Variants in HEATR3 observed in about 807,000 individuals in gnomAD.
HEATR3 encodes HEAT repeat-containing protein 3.
In HEATR3, 56 loss-of-function variants were observed where a neutral mutation model predicts 72.8. That is an observed-to-expected ratio of 0.77 (90% CI 0.62 to 0.96). The LOEUF (loss-of-function observed/expected upper bound fraction) is 0.96. Among genes scored for constraint, HEATR3 ranks in the 40% least tolerant of loss-of-function variants. HEATR3 has a pLI of 0.00. For missense variants in HEATR3, 747 were observed against 831.4 expected (o/e 0.90, Z 1.25); for synonymous variants, 331 against 318.1 (o/e 1.04, Z -0.43).
intron 4 of HEATR3, 39 bp from the exon 5 acceptor site, chr16:50,072,566 A>G (rs777947205): frequency 7.0e-6 from 9 of 1,286,100 alleles, no homozygotes; most frequent in Non-Finnish European, 1.0e-5. Flanking sequence ...TACTGTTAAA[A>G]TGTGAATAGT....
chr16:50,087,988 G>A (rs1028352185), intron 11 of HEATR3, among the ~76,000 whole-genome samples: 5 of 152,164 alleles, frequency 3.3e-5, no homozygotes, highest in Admixed American at 6.5e-5. Context: ...TTAGCCAGGC[G>A]TGGTGGCAGG....
At chr16:50,079,553 G>A (rs369783110) in intron 7 of HEATR3, among the ~76,000 whole-genome samples, 1 of 152,164 alleles carries the variant, frequency 6.6e-6, no homozygotes, top group East Asian at 1.9e-4. Flanking sequence ...TGCTGGTGGT[G>A]TGATATTGCA....
In HEATR3 at chr16:50,078,833, A is replaced by G. The variant is rs1293822251; in HGVS notation, c.856A>G (p.Met286Val). The change falls in exon 7 of 15, where the codon ATG becomes GTG. Residue 286 changes from methionine to valine, a missense_variant. This residue lies in a region of HEATR3 where 586 missense variants were observed against 708.8 expected (regional missense o/e 0.83). Coordinates refer to ENST00000299192, the MANE Select transcript of HEATR3 (RefSeq NM_182922.4). Reference sequence around the variant, plus strand: ...AAAGATCTTATCTGAAGTTTTGGGAATGGATGCTGGTGAAATGGTTATTCA... The same window carrying G: ...AAAGATCTTATCTGAAGTTTTGGGAGTGGATGCTGGTGAAATGGTTATTCA... ...LLKILSEVLG[M>V]DAGEMVIQMK... 6.2e-7 allele frequency: 1 copy of G among 1,614,152 alleles called. No individual in the cohort carries two copies. Among genetic ancestry groups the G allele is most frequent in the South Asian group, 1.1e-5 (1 of 91,088 alleles).
chr16:50,090,877 G>T (rs1330030482), intron 11 of HEATR3, among the ~76,000 whole-genome samples: 1 of 152,106 alleles, frequency 6.6e-6, no homozygotes, highest in Non-Finnish European at 1.5e-5. Flanking sequence ...GGGCGCGGTG[G>T]CTCACACCTG....
chr16:50,097,927 A>C (rs1228087657), intron 12 of HEATR3, among the ~76,000 whole-genome samples: 1 of 151,552 alleles, frequency 6.6e-6, no homozygotes, highest in Non-Finnish European at 1.5e-5. Flanking sequence ...CCGTCTCAAA[A>C]AAAAAAAAAA....
chr16:50,071,249 T>A (rs557211586), intron 4 of HEATR3, among the ~76,000 whole-genome samples: 1 of 152,352 alleles, frequency 6.6e-6, no homozygotes, highest in Admixed American at 6.5e-5. Context: ...TCAGCAGCAA[T>A]TACAGTGGCT....
At chr16:50,068,939 G>T in intron 3 of HEATR3, 72 bp downstream of exon 3, 3 of 1,082,022 alleles carry the variant, frequency 2.8e-6, no homozygotes, top group Non-Finnish European at 4.2e-6. Flanking sequence ...GTACTTTGGT[G>T]TTGGTGACTT....
chr16:50,066,051 A>C lies in HEATR3; in HGVS notation c.-81A>C. ...CGGCCCAGCTGAGCAGCAGCAACGG[A>C]CCTTGTTAACGGCGCGGCAGCCTCC... On this transcript the variant is annotated 5_prime_UTR_variant, in exon 1 of 15. Coordinates refer to ENST00000299192, the MANE Select transcript of HEATR3 (RefSeq NM_182922.4). 7.0e-7 allele frequency: 1 copy of C among 1,433,154 alleles called. No individual in the cohort carries two copies. The highest frequency in any genetic ancestry group is 9.3e-7 in the Non-Finnish European group (1 of 1,071,370). 88.8% of individuals were successfully genotyped at this position (1,433,154 alleles called of 1,614,324 possible).
intron 1 of HEATR3, 40 bp downstream of exon 1, chr16:50,066,309 G>A (rs774187891): frequency 9.1e-5 from 143 of 1,570,276 alleles, no homozygotes; most frequent in Admixed American, 6.1e-4. Context: ...GCGAGACGAG[G>A]TTGCCCCGCG....
chr16:50,066,561 G>A, intron 2 of HEATR3, 22 bp downstream of exon 2: 1 of 1,281,598 alleles, frequency 7.8e-7, no homozygotes, highest in Non-Finnish European at 9.8e-7. Flanking sequence ...AGGGTGCGGG[G>A]CGGTGCCCAC....
In HEATR3 at chr16:50,100,320, G is replaced by C. The variant is rs750369706; in HGVS notation, c.1690G>C (p.Gly564Arg). The C allele has an allele frequency of 2.5e-6, 4 of 1,614,100 alleles. No individual in the cohort carries two copies. Among genetic ancestry groups the C allele is most frequent in the Non-Finnish European group, 3.4e-6 (4 of 1,179,994 alleles). The change falls in exon 13 of 15, where the codon GGA (glycine) becomes CGA (arginine). Residue 564 changes from glycine to arginine, a missense_variant. Transcript: ENST00000299192. ...GVRVNVVSILGITGSVLAKED... is the reference protein window; with the variant it reads ...GVRVNVVSILRITGSVLAKED... ...TAGAGTGAATGTCGTTAGCATTTTA[G>C]GAATCACTGGCAGCGTCCTTGCCAA...
rs2036488477 is a variant in HEATR3 at position 50,066,285 on chromosome 16, C to T, written c.138+16C>T. The T allele has an allele frequency of 1.3e-6, 2 of 1,576,632 alleles. No homozygotes were observed. The highest frequency in any genetic ancestry group is 8.6e-7 in the Non-Finnish European group (1 of 1,165,906). On this transcript the variant is annotated intron_variant, in intron 1 of 14. Coordinates refer to ENST00000299192, the MANE Select transcript of HEATR3 (RefSeq NM_182922.4). ...GCTGGAAAAGGTGAGGCGAGGGCTC[C>T]GTCGGGCCGGGAGGCGAGACGAGGT...
At chr16:50,088,361 C>T (rs1332013272) in intron 11 of HEATR3, among the ~76,000 whole-genome samples, 1 of 152,208 alleles carries the variant, frequency 6.6e-6, no homozygotes, top group Non-Finnish European at 1.5e-5. Context: ...GCCACCCTTT[C>T]AACATTGATC....
At chr16:50,089,697 C>T (rs2037065884) in intron 11 of HEATR3, among the ~76,000 whole-genome samples, 1 of 151,772 alleles carries the variant, frequency 6.6e-6, no homozygotes, top group Non-Finnish European at 1.5e-5. Flanking sequence ...GAGATGGAGT[C>T]TTACTCTGTT....
In HEATR3 at chr16:50,102,138, T is replaced by C. The variant is rs1174532190; in HGVS notation, c.1744-121T>C. Reference sequence around the variant, plus strand: ...AGTATTTAAGTCTAATCTCTTGAAGTTTTAATTTTTCCCTGGCATTTGTAT... The same window carrying C: ...AGTATTTAAGTCTAATCTCTTGAAGCTTTAATTTTTCCCTGGCATTTGTAT... On this transcript the variant is annotated intron_variant, in intron 13 of 14. Coordinates refer to ENST00000299192, the MANE Select transcript of HEATR3 (RefSeq NM_182922.4). 4 of 738,692 alleles carry C rather than the reference T, an allele frequency of 5.4e-6. No homozygotes were observed. The African/African-American group carries it at 7.0e-5, about 13-fold the overall frequency. 45.8% of individuals were successfully genotyped at this position (738,692 alleles called of 1,614,324 possible). A position where few individuals can be genotyped will look rare whatever the true frequency, so the allele number is the denominator to read the frequency against.
chr16:50,066,349 T>G lies in HEATR3; in HGVS notation c.139-18T>G. 6.4e-7 allele frequency: 1 copy of G among 1,555,586 alleles called. No individual in the cohort carries two copies. The highest frequency in any genetic ancestry group is 8.6e-7 in the Non-Finnish European group (1 of 1,161,108). On this transcript the variant is annotated intron_variant, in intron 1 of 14. Coordinates refer to ENST00000299192, the MANE Select transcript of HEATR3 (RefSeq NM_182922.4). ...TGCGCATTGCGCGCCTTCTGACCCTTTTCGCTCTCATCCGCAGCTCCAGCA... is the reference window on the plus strand; with the variant it reads ...TGCGCATTGCGCGCCTTCTGACCCTGTTCGCTCTCATCCGCAGCTCCAGCA...
At position 50,084,220 on chromosome 16, in the gene HEATR3, C is replaced by A. The variant is rs2036936754; in HGVS notation, c.1219C>A (p.Gln407Lys). The stretch of plus-strand genomic sequence containing the variant: ...GAATTCCTTCAGTGAGTGCGGGGGA[C>A]AGCTGTTTTCTCCCCTCTGCCTCTC... ...MENSFSECGG[Q>K]LFSPLCLSHE... Residue 407 changes from glutamine to lysine, a missense_variant, in exon 9 of 15, where the codon CAG becomes AAG. Gln to Lys is a moderately conservative substitution (Grantham distance 53). This residue lies in a region of HEATR3 where 586 missense variants were observed against 708.8 expected (regional missense o/e 0.83). Coordinates refer to ENST00000299192, the MANE Select transcript of HEATR3 (RefSeq NM_182922.4). 6.2e-7 allele frequency: 1 copy of A among 1,613,976 alleles called. No homozygotes were observed. Among genetic ancestry groups the A allele is most frequent in the Admixed American group, 1.7e-5 (1 of 59,986 alleles).
At chr16:50,086,097 ATACCTTG>A in intron 10 of HEATR3, 111 bp from the exon 11 acceptor site, 2 of 929,556 alleles carry the variant, frequency 2.2e-6, no homozygotes, top group African/African-American at 1.7e-5. Flanking sequence ...ACTGCCATAG[ATACCTTG>A]TATTTACAGA....
Position 50,107,099 on chromosome 16 carries a change from A to G in HEATR3, c.*2038A>G, listed in dbSNP as rs1042901561. On this transcript the variant is annotated 3_prime_UTR_variant, in exon 15 of 15. Transcript: ENST00000299192. Reference sequence around the variant, plus strand: ...AAGTATTAGAGTTCTCTCTGCCTCAATTATTTATAAAATATAATTATTTTC... The same window carrying G: ...AAGTATTAGAGTTCTCTCTGCCTCAGTTATTTATAAAATATAATTATTTTC... 5.3e-5 allele frequency among the ~76,000 whole-genome samples: 8 copies of G among 152,186 alleles called. No individual in the cohort carries two copies. The highest frequency in any genetic ancestry group is 7.3e-5 in the Non-Finnish European group (5 of 68,036).
Sources: gnomAD v4.1 joint callset for allele counts (sites outside exome capture counted in the v4.1 genomes callset) on GRCh38, gnomAD v4.1.1 for gene constraint, gnomAD v4.1.1 regional missense constraint, MANE v1.5 for transcripts, NCBI Gene and HGNC (gene_info 2026-07-23, HGNC 2026-07-21) for gene names.